Variants in NELL1 observed in about 807,000 individuals in gnomAD.
NELL1 encodes neural EGFL like 1, also known as protein kinase C-binding protein NELL1.
NELL1 carries 76 observed loss-of-function variants against 107.4 expected under a neutral mutation model. The observed-to-expected ratio is 0.71, with a 90% CI of 0.59 to 0.86. The LOEUF (loss-of-function observed/expected upper bound fraction) is 0.86. Among genes scored for constraint, NELL1 ranks in the 40% least tolerant of loss-of-function variants. NELL1 has a pLI of 0.00. For synonymous variants in NELL1, 353 were observed against 341.2 expected, an observed-to-expected ratio of 1.03 and a Z score of -0.38; for missense variants, 1,024 against 1,005.5, an observed-to-expected ratio of 1.02 and a Z score of -0.25.
intron 2 of NELL1, among the ~76,000 whole-genome samples, chr11:20,685,885 A>T (rs557650462): frequency 6.6e-6 from 1 of 152,222 alleles, no homozygotes; most frequent in Non-Finnish European, 1.5e-5. Flanking sequence ...CTACTATGAT[A>T]TAAAATAGGT....
chr11:20,690,895 T>A (rs1464474741), intron 2 of NELL1, among the ~76,000 whole-genome samples: 12 of 151,872 alleles, frequency 7.9e-5, no homozygotes, highest in Non-Finnish European at 1.8e-4. Flanking sequence ...TTTCACGATA[T>A]TGATTCTTCC....
At chr11:20,890,218 A>G (rs1849590743) in intron 5 of NELL1, among the ~76,000 whole-genome samples, 1 of 152,122 alleles carries the variant, frequency 6.6e-6, no homozygotes, top group Non-Finnish European at 1.5e-5. Flanking sequence ...GCAGGTGAAC[A>G]GGGCCTGAAG....
At chr11:21,102,551 T>C (rs1046141986) in intron 12 of NELL1, among the ~76,000 whole-genome samples, 3 of 152,190 alleles carry the variant, frequency 2.0e-5, no homozygotes, top group African/African-American at 7.2e-5. Flanking sequence ...AAACAATACC[T>C]ACTTCAAAGG....
chr11:21,083,739 A>T (rs1460824237), intron 12 of NELL1, among the ~76,000 whole-genome samples: 1 of 152,218 alleles, frequency 6.6e-6, no homozygotes, highest in Non-Finnish European at 1.5e-5. Context: ...GAGTATTGAA[A>T]GTGTTCATCT....
At chr11:21,220,088 A>G (rs1857716023) in intron 13 of NELL1, among the ~76,000 whole-genome samples, 1 of 152,222 alleles carries the variant, frequency 6.6e-6, no homozygotes, top group Admixed American at 6.5e-5. Context: ...GTCACCTCCC[A>G]CCAGGTTCTG....
intron 2 of NELL1, chr11:20,769,465 T>A (rs914815147): frequency 1.3e-5 from 2 of 152,106 alleles, no homozygotes; most frequent in Admixed American, 1.3e-4. Flanking sequence ...TTTGTAAGAG[T>A]GGGTGGTATT....
chr11:21,424,393 G>A lies in NELL1; in HGVS notation c.1645+53445G>A, dbSNP rs528835187. Among the ~76,000 whole-genome samples, 15 of 152,200 alleles carry A rather than the reference G, an allele frequency of 9.9e-5. No homozygotes were observed. The South Asian group carries it at 1.0e-3, about 11-fold the overall frequency. On this transcript the variant is annotated intron_variant, in intron 15 of 19. Coordinates refer to ENST00000357134, the MANE Select transcript of NELL1 (RefSeq NM_006157.5). ...ACCAGCACTTTGGGAGGCTGAGGCCGGCGGATCACTTGAGGTCAGGAGTTC... is the reference window on the plus strand; with the variant it reads ...ACCAGCACTTTGGGAGGCTGAGGCCAGCGGATCACTTGAGGTCAGGAGTTC...
intron 14 of NELL1, among the ~76,000 whole-genome samples, chr11:21,307,137 T>A (rs1849622375): frequency 6.6e-6 from 1 of 152,028 alleles, no homozygotes; most frequent in East Asian, 1.9e-4. Flanking sequence ...TAATGAGCCT[T>A]GGTGACCCTG....
chr11:21,479,147 A>G (rs1854425497), intron 15 of NELL1, among the ~76,000 whole-genome samples: 1 of 152,136 alleles, frequency 6.6e-6, no homozygotes, highest in Admixed American at 6.6e-5. Context: ...TCAAAAAGTA[A>G]AAATTGAGCT....
At chr11:21,097,162 G>A (rs560023433) in intron 12 of NELL1, among the ~76,000 whole-genome samples, 6 of 152,202 alleles carry the variant, frequency 3.9e-5, no homozygotes, top group East Asian at 1.9e-4. Flanking sequence ...AGATTTCTAC[G>A]TTCATTCTAC....
At chr11:21,501,976 C>A (rs936976892) in intron 15 of NELL1, among the ~76,000 whole-genome samples, 10 of 152,234 alleles carry the variant, frequency 6.6e-5, no homozygotes, top group African/African-American at 2.2e-4. Flanking sequence ...CTGTCTTTGG[C>A]AAGTAGTTAC....
At chr11:21,538,666 G>A (rs949092995) in intron 16 of NELL1, among the ~76,000 whole-genome samples, 28 of 152,248 alleles carry the variant, frequency 1.8e-4, no homozygotes, top group African/African-American at 5.8e-4. Context: ...GCAGTGGTAG[G>A]AGTCAGTGAT....
intron 12 of NELL1, among the ~76,000 whole-genome samples, chr11:21,078,037 G>A (rs966134681): frequency 4.0e-5 from 6 of 151,878 alleles, no homozygotes; most frequent in Non-Finnish European, 1.5e-5. Flanking sequence ...ATAATAGAGT[G>A]TTACACCTAA....
intron 13 of NELL1, among the ~76,000 whole-genome samples, chr11:21,211,059 T>C (rs1367050759): frequency 6.6e-6 from 1 of 152,180 alleles, no homozygotes; most frequent in East Asian, 1.9e-4. Flanking sequence ...AAAAGAAATA[T>C]GTGGTTTCTA....
At chr11:20,694,421 C>T (rs1000007339) in intron 2 of NELL1, among the ~76,000 whole-genome samples, 1 of 152,002 alleles carries the variant, frequency 6.6e-6, no homozygotes, top group Non-Finnish European at 1.5e-5. Flanking sequence ...AATCTTTAAT[C>T]CATCTTGAGT....
intron 15 of NELL1, among the ~76,000 whole-genome samples, chr11:21,495,440 CTATTA>C (rs1289418384): frequency 6.6e-6 from 1 of 152,068 alleles, no homozygotes; most frequent in Non-Finnish European, 1.5e-5. Context: ...TACTTTTTGA[CTATTA>C]TGAGTAAATC....
At chr11:21,041,892 G>T (rs746015836) in intron 12 of NELL1, among the ~76,000 whole-genome samples, 22 of 152,340 alleles carry the variant, frequency 1.4e-4, no homozygotes, top group Middle Eastern at 3.4e-3. Context: ...TTGCTGAAGT[G>T]AAGTCAGCAC....
At chr11:20,786,828 G>A (rs569613958) in intron 3 of NELL1, among the ~76,000 whole-genome samples, 2 of 151,762 alleles carry the variant, frequency 1.3e-5, no homozygotes, top group African/African-American at 2.4e-5. Flanking sequence ...CTAACACGGT[G>A]AAACCCCGTC....
At chr11:21,501,587 T>C (rs933134071) in intron 15 of NELL1, among the ~76,000 whole-genome samples, 2 of 152,212 alleles carry the variant, frequency 1.3e-5, no homozygotes, top group African/African-American at 4.8e-5. Context: ...TACAATCAAC[T>C]GTGGGCAATA....
Sources: gnomAD v4.1 joint callset for allele counts (sites outside exome capture counted in the v4.1 genomes callset) on GRCh38, gnomAD v4.1.1 for gene constraint, MANE v1.5 for transcripts, NCBI Gene and HGNC (gene_info 2026-07-23, HGNC 2026-07-21) for gene names.